SREK1IP1: variants seen among roughly 807,000 people sequenced by gnomAD.
SREK1IP1 encodes protein SREK1IP1.
A neutral mutation model predicts 22.8 loss-of-function variants in SREK1IP1; 12 were observed. That is an observed-to-expected ratio of 0.53 (90% CI 0.34 to 0.85). The LOEUF (loss-of-function observed/expected upper bound fraction) is 0.85. Ranked by LOEUF, SREK1IP1 falls within the 40% of genes least tolerant of loss-of-function variation. The probability of loss-of-function intolerance (pLI) is 0.02; values close to 1 mark genes in which losing one functional copy is unlikely to be tolerated. For synonymous variants in SREK1IP1, 53 were observed against 52.7 expected, an observed-to-expected ratio of 1.01 and a Z score of -0.02; for missense variants, 147 against 171.8, an observed-to-expected ratio of 0.86 and a Z score of 0.81.
At chr5:64,727,167 G>T (rs1742281646) in intron 4 of SREK1IP1, among the ~76,000 whole-genome samples, 1 of 151,954 alleles carries the variant, frequency 6.6e-6, no homozygotes, top group African/African-American at 2.4e-5. Context: ...AAACTACAAA[G>T]TGGCAGCCCC....
chr5:64,766,596 T>G (rs1299072573), intron 1 of SREK1IP1, among the ~76,000 whole-genome samples: 5 of 152,240 alleles, frequency 3.3e-5, no homozygotes, highest in Admixed American at 3.3e-4. Flanking sequence ...AATCCTTAAA[T>G]GGCTTCCTGC....
Position 64,724,516 on chromosome 5 carries a change from A to G in SREK1IP1, c.336T>C (p.Tyr112=). ...TTTCTTTTTTCTTTTCTTTCTTCTGATATTTTTGTTTCTTTTGTTTTGAAG... is the reference window on the plus strand; with the variant it reads ...TTTCTTTTTTCTTTTCTTTCTTCTGGTATTTTTGTTTCTTTTGTTTTGAAG... ...EDTSKQKKQK[Y]QKKEKKKEKK... Residue 112 remains tyrosine, a synonymous_variant, in exon 5 of 5, where the codon TAT becomes TAC. Coordinates refer to ENST00000513458, the MANE Select transcript of SREK1IP1 (RefSeq NM_173829.4). The G allele has an allele frequency of 1.3e-6, 2 of 1,555,172 alleles. No individual in the cohort carries two copies. The highest frequency in any genetic ancestry group is 1.7e-6 in the Non-Finnish European group (2 of 1,156,292).
At chr5:64,725,010 G>A (rs777902825) in intron 4 of SREK1IP1, among the ~76,000 whole-genome samples, 8 of 152,052 alleles carry the variant, frequency 5.3e-5, no homozygotes, top group Non-Finnish European at 1.2e-4. Flanking sequence ...ATAATTGTAC[G>A]TTCATATGAA....
intron 1 of SREK1IP1, 62 bp from the exon 2 acceptor site, chr5:64,754,424 A>G (rs1742802320): frequency 1.3e-6 from 2 of 1,507,544 alleles, no homozygotes; most frequent in Non-Finnish European, 1.8e-6. Context: ...TAAAAACTTT[A>G]TTGTATGAAA....
intron 2 of SREK1IP1, among the ~76,000 whole-genome samples, chr5:64,752,440 C>T (rs1742765079): frequency 6.6e-6 from 1 of 152,042 alleles, no homozygotes; most frequent in East Asian, 1.9e-4. Flanking sequence ...CGTGAGCCAC[C>T]ATGCCTGGCC....
intron 3 of SREK1IP1, among the ~76,000 whole-genome samples, chr5:64,740,221 T>G (rs921402398): frequency 2.0e-5 from 3 of 152,060 alleles, no homozygotes; most frequent in Non-Finnish European, 2.9e-5. Flanking sequence ...GAGAGTGACC[T>G]GGAGAAATCT....
rs530058034 is a variant in SREK1IP1, at chr5:64,735,047, A to G, written c.205+6010T>C. On this transcript the variant is annotated intron_variant, in intron 3 of 4. Transcript: ENST00000513458. ...GTATGATGTAACATTTTGGTTTTTT[A>G]TAGATTTTGTATGAAGTTAATGAAG... 1.1e-3 allele frequency among the ~76,000 whole-genome samples: 163 copies of G among 152,060 alleles called. 1 individual carries two copies. The highest frequency in any genetic ancestry group is 1.7e-3 in the Admixed American group (26 of 15,270).
intron 1 of SREK1IP1, among the ~76,000 whole-genome samples, chr5:64,766,773 T>C (rs1743038775): frequency 6.6e-6 from 1 of 152,252 alleles, no homozygotes; most frequent in Non-Finnish European, 1.5e-5. Context: ...GGCAAATTAC[T>C]TGATTTCTTT....
intron 2 of SREK1IP1, among the ~76,000 whole-genome samples, chr5:64,745,554 A>G (rs1194514063): frequency 6.6e-6 from 1 of 151,240 alleles, no homozygotes; most frequent in South Asian, 2.1e-4. Context: ...GTGCCACTGC[A>G]CTCCAGCCTG....
chr5:64,742,848 T>G (rs1348831618), intron 2 of SREK1IP1, among the ~76,000 whole-genome samples: 1 of 152,210 alleles, frequency 6.6e-6, no homozygotes, highest in African/African-American at 2.4e-5. Context: ...GTATTGCACA[T>G]TTTATACAAG....
intron 1 of SREK1IP1, among the ~76,000 whole-genome samples, chr5:64,763,681 T>C (rs1424799024): frequency 2.0e-5 from 3 of 152,250 alleles, no homozygotes; most frequent in Non-Finnish European, 2.9e-5. Flanking sequence ...GCAGCAGTTA[T>C]AGTAATCAAC....
chr5:64,735,195 A>C (rs989480883), intron 3 of SREK1IP1, among the ~76,000 whole-genome samples: 6 of 151,990 alleles, frequency 3.9e-5, no homozygotes, highest in Non-Finnish European at 8.8e-5. Flanking sequence ...ACCATGAATT[A>C]CACTGACTTC....
chr5:64,752,567 T>C (rs541658332), intron 2 of SREK1IP1, among the ~76,000 whole-genome samples: 19 of 152,312 alleles, frequency 1.2e-4, no homozygotes, highest in Admixed American at 6.5e-4. Context: ...ATATATTCAC[T>C]ATTGAAATAT....
chr5:64,752,144 G>GTTTTTTTTTTTTTTTTTTTT lies in SREK1IP1; in HGVS notation c.61+2170_61+2171insAAAAAAAAAAAAAAAAAAAA, dbSNP rs755420855. 7.0e-5 allele frequency among the ~76,000 whole-genome samples: 6 copies of GTTTTTTTTTTTTTTTTTTTT among 85,476 alleles called. 1 individual carries two copies. Among genetic ancestry groups the GTTTTTTTTTTTTTTTTTTTT allele is most frequent in the African/African-American group, 1.1e-4 (2 of 18,932 alleles). The allele number at this position is 85,476 out of a possible 152,430, so 56.1% of individuals were successfully genotyped here. A position where few individuals can be genotyped will look rare whatever the true frequency, so the allele number is the denominator to read the frequency against. On this transcript the variant is annotated intron_variant, in intron 2 of 4. Coordinates refer to ENST00000513458, the MANE Select transcript of SREK1IP1 (RefSeq NM_173829.4). ...CTCTTTTTCTGTGAATTTTTTTTGT[G>GTTTTTTTTTTTTTTTTTTTT]TGTTTTTTTTTTTTTTTTTTTTTTT...
rs1742188036 is a variant in SREK1IP1, at chr5:64,722,631, A to G, written c.*1753T>C. 1 of 152,358 alleles carries G rather than the reference A, an allele frequency of 6.6e-6. No individual in the cohort carries two copies. Among genetic ancestry groups the G allele is most frequent in the African/African-American group, 2.4e-5 (1 of 41,584 alleles). The allele number at this position is 152,358 out of a possible 1,614,324, so 9.4% of individuals were successfully genotyped here. On this transcript the variant is annotated 3_prime_UTR_variant, in exon 5 of 5. Transcript: ENST00000513458. The stretch of plus-strand genomic sequence containing the variant: ...TTTTCAAAAAACTAGCAGCAAAGGC[A>G]AAACAAATCCCTAAAAACCTACTGG...
At chr5:64,746,045 A>G (rs1371968351) in intron 2 of SREK1IP1, among the ~76,000 whole-genome samples, 2 of 152,252 alleles carry the variant, frequency 1.3e-5, no homozygotes, top group African/African-American at 4.8e-5. Flanking sequence ...ATGGAATAGA[A>G]TTGAAAGTCC....
At position 64,762,860 on chromosome 5, in the gene SREK1IP1, T is replaced by C. The variant is rs1304838366; in HGVS notation, c.13+5645A>G. On this transcript the variant is annotated intron_variant, in intron 1 of 4. Coordinates refer to ENST00000513458, the MANE Select transcript of SREK1IP1 (RefSeq NM_173829.4). Reference sequence around the variant, plus strand: ...TGAGGCCAGGAGTTCAAGACCAACCTGGGCAATATGGTGAAACTCCATCTC... The same window carrying C: ...TGAGGCCAGGAGTTCAAGACCAACCCGGGCAATATGGTGAAACTCCATCTC... 2.6e-5 allele frequency among the ~76,000 whole-genome samples: 4 copies of C among 151,964 alleles called. No individual in the cohort carries two copies. The East Asian group carries it at 7.8e-4, about 29-fold the overall frequency.
rs887588202 is a variant in SREK1IP1 at position 64,718,593 on chromosome 5, T to G, written c.*5791A>C. ...GAGATAAGCATAACAAAAAATCCTT[T>G]GCTGATATATTTCCTAAATAATCTG... is the stretch of plus-strand genomic sequence containing the variant. On this transcript the variant is annotated 3_prime_UTR_variant, in exon 5 of 5. Transcript: ENST00000513458. 1 of 152,220 alleles carries G rather than the reference T, an allele frequency of 6.6e-6. No homozygotes were observed. The highest frequency in any genetic ancestry group is 2.4e-5 in the African/African-American group (1 of 41,468). The allele number at this position is 152,220 out of a possible 1,614,324, so 9.4% of individuals were successfully genotyped here. A position where few individuals can be genotyped will look rare whatever the true frequency, so the allele number is the denominator to read the frequency against.
In SREK1IP1 at chr5:64,749,748, T is replaced by C. The variant is rs376576441; in HGVS notation, c.61+4567A>G. 1.8e-4 allele frequency among the ~76,000 whole-genome samples: 28 copies of C among 152,270 alleles called. No individual in the cohort carries two copies. In the South Asian group the frequency reaches 3.9e-3, roughly 21 times the overall value. ...GAGCCACTGCACCTGGCCAACTTCCTTGGAAGTCTTATCCTCATATTTATC... is the reference window on the plus strand; with the variant it reads ...GAGCCACTGCACCTGGCCAACTTCCCTGGAAGTCTTATCCTCATATTTATC... On this transcript the variant is annotated intron_variant, in intron 2 of 4. Coordinates refer to ENST00000513458, the MANE Select transcript of SREK1IP1 (RefSeq NM_173829.4).
Sources: allele counts gnomAD v4.1 joint callset (sites outside exome capture counted in the v4.1 genomes callset), GRCh38; gene constraint gnomAD v4.1.1; transcripts MANE v1.5; gene names NCBI Gene and HGNC (gene_info 2026-07-23, HGNC 2026-07-21).